The following SPRR2B variants were observed in gnomAD, a reference collection of about 807,000 sequenced individuals.
SPRR2B encodes the protein small proline-rich protein 2B.
Under a neutral mutation model 1.0 loss-of-function variants are expected in SPRR2B, and 1 was observed. That is an observed-to-expected ratio of 1.01 (90% CI 0.36 to 4.77). SPRR2B has a LOEUF of 4.77. Ranked by LOEUF, SPRR2B falls within the 30% of genes most tolerant of loss-of-function variation. The pLI is 0.16. For missense variants in SPRR2B, 53 were observed against 88.7 expected (o/e 0.60, Z 1.62); for synonymous variants, 27 against 33.4 (o/e 0.81, Z 0.66).
chr1:153,086,942 A>G, the SPRR2B span, among the ~76,000 whole-genome samples: 1 of 152,204 alleles, frequency 6.6e-6, no homozygotes, highest in South Asian at 2.1e-4. Context: ...AAAACATACA[A>G]TTACTTAGAA....
chr1:153,085,495 A>G, the SPRR2B span, among the ~76,000 whole-genome samples: 2 of 152,250 alleles, frequency 1.3e-5, no homozygotes, highest in Non-Finnish European at 2.9e-5. Context: ...ATGAATGAAA[A>G]GGAATGAATG....
the SPRR2B span, among the ~76,000 whole-genome samples, chr1:153,079,208 T>C: frequency 1.8e-5 from 2 of 108,838 alleles, no homozygotes; most frequent in African/African-American, 5.3e-5. Flanking sequence ...TTTGATGGGG[T>C]TGTTTGTTTT....
chr1:153,083,467 C>T, the SPRR2B span, among the ~76,000 whole-genome samples: 7 of 152,116 alleles, frequency 4.6e-5, no homozygotes, highest in Admixed American at 1.3e-4. Context: ...TGGCTCTGGG[C>T]AAGATGGCCA....
chr1:153,070,482 T>A lies in SPRR2B; in HGVS notation c.*139A>T. The A allele has an allele frequency of 1.4e-6, 2 of 1,449,584 alleles. No individual in the cohort carries two copies. Among genetic ancestry groups the A allele is most frequent in the Non-Finnish European group, 1.9e-6 (2 of 1,077,708 alleles). The allele number at this position is 1,449,584 out of a possible 1,614,324, so 89.8% of individuals were successfully genotyped here. On this transcript the variant is annotated 3_prime_UTR_variant, in exon 2 of 2. Coordinates refer to ENST00000368755, the MANE Select transcript of SPRR2B (RefSeq NM_001388198.1). ...AACCTTTTGCTATCAGGGAACATCA[T>A]GGGCAGATCACAGGCTAAGGGGAAA...
the SPRR2B span, among the ~76,000 whole-genome samples, chr1:153,087,746 G>A: frequency 6.6e-6 from 1 of 152,146 alleles, no homozygotes. Context: ...AATTGAATCA[G>A]TAATAAATAG....
At chr1:153,079,482 G>T in the SPRR2B span, among the ~76,000 whole-genome samples, 1 of 152,198 alleles carries the variant, frequency 6.6e-6, no homozygotes, top group Non-Finnish European at 1.5e-5. Flanking sequence ...TTCTACTAGA[G>T]TTTTTATGGT....
At chr1:153,072,016 A>AAG (rs1654676713), upstream of SPRR2B, among the ~76,000 whole-genome samples, 1 of 152,150 alleles carries the variant, frequency 6.6e-6, no homozygotes, top group Admixed American at 6.5e-5. Context: ...GGACCTAACA[A>AAG]AGGCCTGAGT....
chr1:153,083,713 C>T, the SPRR2B span, among the ~76,000 whole-genome samples: 19 of 152,232 alleles, frequency 1.2e-4, no homozygotes, highest in African/African-American at 2.7e-4. Flanking sequence ...GAACCCACTC[C>T]CGCCATGGGC....
At chr1:153,081,953 TACAGGCATGTGCCACC>T in the SPRR2B span, among the ~76,000 whole-genome samples, 1 of 152,100 alleles carries the variant, frequency 6.6e-6, no homozygotes, top group South Asian at 2.1e-4. Context: ...GTAGTGGAAC[TACAGGCATGTGCCACC>T]ACATCCAGCT....
upstream of SPRR2B, among the ~76,000 whole-genome samples, chr1:153,076,182 G>T (rs1172100010): frequency 6.6e-6 from 1 of 152,148 alleles, no homozygotes. Context: ...TCCTTCTGCA[G>T]ACAAATTACC....
At chr1:153,076,675 C>T in the SPRR2B span, among the ~76,000 whole-genome samples, 49 of 152,194 alleles carry the variant, frequency 3.2e-4, 1 homozygote, top group South Asian at 1.5e-3. Flanking sequence ...TTTTATGACA[C>T]GATCCAGCTA....
chr1:153,081,814 T>C, the SPRR2B span, among the ~76,000 whole-genome samples: 3 of 142,054 alleles, frequency 2.1e-5, no homozygotes, highest in Non-Finnish European at 4.5e-5. Flanking sequence ...ATTTTCCTTT[T>C]CTTTTCTTTT....
intron 1 of SPRR2B, among the ~76,000 whole-genome samples, chr1:153,071,309 A>T (rs570591402): frequency 6.6e-6 from 1 of 152,226 alleles, no homozygotes; most frequent in African/African-American, 2.4e-5. Flanking sequence ...TACCAGAAAA[A>T]TATGGAAAAG....
the SPRR2B span, among the ~76,000 whole-genome samples, chr1:153,078,583 A>T: frequency 1.3e-5 from 2 of 149,544 alleles, no homozygotes; most frequent in Admixed American, 6.7e-5. Flanking sequence ...CTCATTGTTC[A>T]ATTCCCACCT....
Position 153,070,512 on chromosome 1 carries a change from C to G in SPRR2B, c.*109G>C. ...AGATCACAGGCTAAGGGGAAAGAAGCTCCCTATGAATCCATGATAAGCTTT... is the reference window on the plus strand; with the variant it reads ...AGATCACAGGCTAAGGGGAAAGAAGGTCCCTATGAATCCATGATAAGCTTT... On this transcript the variant is annotated 3_prime_UTR_variant, in exon 2 of 2. Transcript: ENST00000368755. 1 of 1,524,746 alleles carries G rather than the reference C, an allele frequency of 6.6e-7. No homozygotes were observed. Among genetic ancestry groups the G allele is most frequent in the Non-Finnish European group, 8.8e-7 (1 of 1,134,046 alleles). The allele number at this position is 1,524,746 out of a possible 1,614,324, so 94.5% of individuals were successfully genotyped here. A position where few individuals can be genotyped will look rare whatever the true frequency, so the allele number is the denominator to read the frequency against.
the SPRR2B span, among the ~76,000 whole-genome samples, chr1:153,077,183 G>T: frequency 6.6e-6 from 1 of 152,180 alleles, no homozygotes; most frequent in South Asian, 2.1e-4. Flanking sequence ...GAGATCAGGA[G>T]GTAGTGGGAT....
chr1:153,084,911 T>G, the SPRR2B span, among the ~76,000 whole-genome samples: 3 of 152,140 alleles, frequency 2.0e-5, no homozygotes, highest in African/African-American at 7.2e-5. Flanking sequence ...GTCCAGGATT[T>G]GGGAGCTGAG....
chr1:153,076,852 T>C, the SPRR2B span, among the ~76,000 whole-genome samples: 1 of 152,182 alleles, frequency 6.6e-6, no homozygotes, highest in African/African-American at 2.4e-5. Context: ...ACCCATGCAA[T>C]GGAATACCAC....
upstream of SPRR2B, among the ~76,000 whole-genome samples, chr1:153,073,964 G>A (rs1439564161): frequency 6.6e-6 from 1 of 152,106 alleles, no homozygotes; most frequent in African/African-American, 2.4e-5. Flanking sequence ...TCACTCATTT[G>A]TGCGTGTGTG....
Sources: gnomAD v4.1 joint callset for allele counts (sites outside exome capture counted in the v4.1 genomes callset) on GRCh38, gnomAD v4.1.1 for gene constraint, MANE v1.5 for transcripts, NCBI Gene and HGNC (gene_info 2026-07-23, HGNC 2026-07-21) for gene names.